Variants in USP34 observed in about 807,000 individuals in gnomAD.
The protein encoded by USP34 is ubiquitin specific peptidase 34, also known as ubiquitin carboxyl-terminal hydrolase 34.
A neutral mutation model predicts 460.3 loss-of-function variants in USP34; 70 were observed. The observed-to-expected ratio is 0.15, with a 90% CI of 0.13 to 0.19. The LOEUF (loss-of-function observed/expected upper bound fraction) is 0.19, where lower values mean the gene tolerates loss of function less well. Ranked by LOEUF, USP34 falls within the 10% of genes least tolerant of loss-of-function variation. The pLI, the probability that USP34 is intolerant of heterozygous loss-of-function variation, is 1.00. For missense variants in USP34, 3,985 were observed against 4,236.2 expected, an observed-to-expected ratio of 0.94 and a Z score of 1.65; for synonymous variants, 1,647 against 1,405.3, an observed-to-expected ratio of 1.17 and a Z score of -3.85.
At chr2:61,237,492 C>G (rs200681131) in intron 53 of USP34, among the ~76,000 whole-genome samples, 1 of 146,450 alleles carries the variant, frequency 6.8e-6, no homozygotes, top group East Asian at 2.0e-4. Flanking sequence ...TTTACAAACA[C>G]TTGTCTGTTT....
In USP34 at chr2:61,326,960, T is replaced by A. The variant is rs553312321; in HGVS notation, c.2931-1503A>T. On this transcript the variant is annotated intron_variant, in intron 20 of 79. Transcript: ENST00000398571. The stretch of plus-strand genomic sequence containing the variant: ...CTCCACACCCAGCTGATTTTTTTTT[T>A]ATTTTTAGTAGAAATATGGTGTCAC... Among the ~76,000 whole-genome samples, 14 of 151,814 alleles carry A rather than the reference T, an allele frequency of 9.2e-5. No homozygotes were observed. In the South Asian group the frequency reaches 2.7e-3, roughly 29 times the overall value.
intron 58 of USP34, among the ~76,000 whole-genome samples, chr2:61,231,817 AT>A (rs141410975): frequency 0.55 from 81,582 of 148,548 alleles, 23,224 homozygotes; most frequent in African/African-American, 0.72. Flanking sequence ...CTCTAAAAAA[AT>A]ATATATACAT....
chr2:61,323,662 T>G (rs779194291), intron 21 of USP34, among the ~76,000 whole-genome samples: 21 of 152,194 alleles, frequency 1.4e-4, no homozygotes, highest in Non-Finnish European at 2.2e-4. Context: ...AGTTTTAGAT[T>G]TGATACTATC....
intron 1 of USP34, among the ~76,000 whole-genome samples, chr2:61,443,830 T>C (rs909918889): frequency 4.6e-5 from 7 of 152,194 alleles, no homozygotes; most frequent in Non-Finnish European, 7.3e-5. Flanking sequence ...TATGTTAACG[T>C]AGATTCACCA....
rs1435545255 is a variant in USP34, at chr2:61,187,749, C to T, written c.*353G>A. 1 of 507,628 alleles carries T rather than the reference C, an allele frequency of 2.0e-6. No homozygotes were observed. Among genetic ancestry groups the T allele is most frequent in the Non-Finnish European group, 2.7e-6 (1 of 374,350 alleles). The allele number at this position is 507,628 out of a possible 1,614,324, so 31.4% of individuals were successfully genotyped here. On this transcript the variant is annotated 3_prime_UTR_variant, in exon 80 of 80. Transcript: ENST00000398571. ...GCCTCTATAAGGTACAAAACTGGCA[C>T]AGAGGACACCATATCATACACAGTA...
chr2:61,193,341 C>G (rs1686694405), intron 75 of USP34: 1 of 128,876 alleles, frequency 7.8e-6, no homozygotes, highest in Non-Finnish European at 1.5e-5. Context: ...GGTGGCTAGA[C>G]TGCAGGAGGG....
In USP34 at chr2:61,405,784, A is replaced by C; in HGVS notation, c.476T>G (p.Leu159Arg). ...WSTDEKEKLL[L>R]CVAKIFQIQF... ...AATTTGAAAAATTTTTGCCACACATAGTAAGAGTTTTTCCTTCTCATCTGT... is the reference window on the plus strand; with the variant it reads ...AATTTGAAAAATTTTTGCCACACATCGTAAGAGTTTTTCCTTCTCATCTGT... The change falls in exon 3 of 80, where the codon CTA becomes CGA. Residue 159 changes from leucine (L) to arginine (R), a missense_variant. By Grantham distance (102) the Leu-to-Arg change is moderately radical. Around this residue, in one of 14 missense-constraint regions of USP34, gnomAD observed 331 missense variants for 293.7 expected, o/e 1.13. Coordinates refer to ENST00000398571, the MANE Select transcript of USP34 (RefSeq NM_014709.4). The C allele has an allele frequency of 6.2e-7, 1 of 1,608,672 alleles. No homozygotes were observed. Among genetic ancestry groups the C allele is most frequent in the South Asian group, 1.1e-5 (1 of 89,702 alleles).
At chr2:61,377,917 G>A (rs1234098390) in intron 8 of USP34, among the ~76,000 whole-genome samples, 3 of 152,178 alleles carry the variant, frequency 2.0e-5, no homozygotes, top group Admixed American at 1.3e-4. Context: ...AGTGGCTCAC[G>A]CCTGTAATCC....
At chr2:61,225,060 G>A (rs768840172) in intron 62 of USP34, among the ~76,000 whole-genome samples, 2 of 152,112 alleles carry the variant, frequency 1.3e-5, no homozygotes, top group South Asian at 4.1e-4. Context: ...GGGTTGTACA[G>A]GGTTTCCAGG....
At chr2:61,258,078 G>C (rs1688769119) in intron 44 of USP34, among the ~76,000 whole-genome samples, 1 of 152,150 alleles carries the variant, frequency 6.6e-6, no homozygotes, top group Admixed American at 6.5e-5. Flanking sequence ...TAAAGGCCAG[G>C]TATGATAGCT....
At chr2:61,362,925 A>G (rs1692318013) in intron 10 of USP34, among the ~76,000 whole-genome samples, 1 of 152,226 alleles carries the variant, frequency 6.6e-6, no homozygotes. Flanking sequence ...ATTTAAAAAG[A>G]AAAACAGACT....
At chr2:61,352,093 T>C (rs897983761) in intron 10 of USP34, among the ~76,000 whole-genome samples, 2 of 152,122 alleles carry the variant, frequency 1.3e-5, no homozygotes, top group Non-Finnish European at 1.5e-5. Flanking sequence ...CAGTTGAAGA[T>C]CTCTAATTCA....
At chr2:61,202,984 T>G (rs1196878396) in intron 75 of USP34, among the ~76,000 whole-genome samples, 156 bp downstream of exon 75, 1 of 152,036 alleles carries the variant, frequency 6.6e-6, no homozygotes, top group Non-Finnish European at 1.5e-5. Context: ...GGTGTTTTCT[T>G]AATGAAAATT....
At chr2:61,407,633 T>G (rs1482129407) in intron 2 of USP34, among the ~76,000 whole-genome samples, 2 of 152,188 alleles carry the variant, frequency 1.3e-5, no homozygotes, top group African/African-American at 4.8e-5. Context: ...CGGAACTCAC[T>G]TCTAGTGAAT....
At chr2:61,230,173 T>C (rs945828466) in intron 58 of USP34, among the ~76,000 whole-genome samples, 5 of 152,184 alleles carry the variant, frequency 3.3e-5, no homozygotes, top group Non-Finnish European at 7.3e-5. Context: ...CTGAAGATTA[T>C]GGTGAAATTA....
intron 10 of USP34, among the ~76,000 whole-genome samples, chr2:61,355,787 G>T (rs1327057779): frequency 6.6e-6 from 1 of 152,100 alleles, no homozygotes; most frequent in East Asian, 1.9e-4. Context: ...AATGTAAATG[G>T]TTTAACTCTC....
intron 27 of USP34, among the ~76,000 whole-genome samples, chr2:61,310,032 G>C (rs17008217): frequency 0.16 from 24,018 of 152,018 alleles, 2,293 homozygotes; most frequent in South Asian, 0.37. Context: ...AGACTATAAA[G>C]AACACTAAAA....
intron 1 of USP34, among the ~76,000 whole-genome samples, chr2:61,422,367 T>C (rs1694388599): frequency 6.6e-6 from 1 of 152,158 alleles, no homozygotes; most frequent in African/African-American, 2.4e-5. Flanking sequence ...AAAGTTTGTG[T>C]GGCCAGAAAA....
chr2:61,260,327 C>T (rs1263365514), intron 43 of USP34, among the ~76,000 whole-genome samples: 1 of 152,140 alleles, frequency 6.6e-6, no homozygotes, highest in East Asian at 1.9e-4. Flanking sequence ...TAGTATTGAA[C>T]ACCAAGCCTT....
Sources: gnomAD v4.1 joint callset for allele counts (sites outside exome capture counted in the v4.1 genomes callset) on GRCh38, gnomAD v4.1.1 for gene constraint, gnomAD v4.1.1 regional missense constraint, MANE v1.5 for transcripts, NCBI Gene and HGNC (gene_info 2026-07-23, HGNC 2026-07-21) for gene names.